Variants in XPO7 observed in about 807,000 individuals in gnomAD.
XPO7 encodes the protein exportin-7.
A neutral mutation model predicts 144.3 loss-of-function variants in XPO7; 21 were observed. The observed-to-expected ratio is 0.15, with a 90% CI of 0.10 to 0.21. XPO7 has a LOEUF of 0.21. Among genes scored for constraint, XPO7 ranks in the 10% least tolerant of loss-of-function variants. The probability of loss-of-function intolerance (pLI) is 1.00; values close to 1 mark genes in which losing one functional copy is unlikely to be tolerated. For synonymous variants in XPO7, 580 were observed against 499.6 expected (o/e 1.16, Z -2.15); for missense variants, 808 against 1,325.8 (o/e 0.61, Z 6.06).
intron 26 of XPO7, 60 bp downstream of exon 26, chr8:22,003,377 C>A: frequency 7.5e-7 from 1 of 1,339,218 alleles, no homozygotes. Flanking sequence ...CACTTGGTAT[C>A]ACCAAGCCCT....
At chr8:21,936,998 C>T (rs536396054) in intron 1 of XPO7, among the ~76,000 whole-genome samples, 1 of 152,292 alleles carries the variant, frequency 6.6e-6, no homozygotes, top group Non-Finnish European at 1.5e-5. Flanking sequence ...TAAAAACTCA[C>T]TCTGCCATCA....
chr8:21,980,387 C>T (rs533479417), intron 9 of XPO7, among the ~76,000 whole-genome samples, 184 bp downstream of exon 9: 4 of 152,302 alleles, frequency 2.6e-5, no homozygotes, highest in East Asian at 1.9e-4. Context: ...CTTATATCCT[C>T]CCGCTTCAGA....
chr8:21,988,946 A>G, intron 15 of XPO7, 57 bp from the exon 16 acceptor site: 1 of 1,542,202 alleles, frequency 6.5e-7, no homozygotes. Context: ...CCCAGCCCTC[A>G]AGGAAACCAG....
In XPO7 at chr8:21,967,852, A is replaced by G. The variant is rs550907885; in HGVS notation, c.165+849A>G. The stretch of plus-strand genomic sequence containing the variant: ...GATCAAAATAATGTTCCTGAGATAC[A>G]ATTTGAAAAAATCACTATCTTTGGC... On this transcript the variant is annotated intron_variant, in intron 2 of 27. Coordinates refer to ENST00000252512, the MANE Select transcript of XPO7 (RefSeq NM_015024.5). Among the ~76,000 whole-genome samples, 405 of 152,324 alleles carry G rather than the reference A, an allele frequency of 2.7e-3. 1 individual carries two copies. The Middle Eastern group carries it at 0.034, about 13-fold the overall frequency.
chr8:21,931,992 C>T (rs570463478), intron 1 of XPO7, among the ~76,000 whole-genome samples: 3 of 152,266 alleles, frequency 2.0e-5, no homozygotes, highest in South Asian at 4.2e-4. Context: ...CCTGCCTCAG[C>T]CTCCCTTAGT....
intron 1 of XPO7, among the ~76,000 whole-genome samples, chr8:21,944,320 C>T (rs1338924057): frequency 6.6e-6 from 1 of 152,148 alleles, no homozygotes; most frequent in African/African-American, 2.4e-5. Context: ...GTAATCCCAG[C>T]ACTTTGGGAG....
intron 1 of XPO7, among the ~76,000 whole-genome samples, chr8:21,922,502 T>A (rs1810321319): frequency 6.6e-6 from 1 of 152,102 alleles, no homozygotes; most frequent in Non-Finnish European, 1.5e-5. Flanking sequence ...GAGAAAAAAA[T>A]CAAACTTACT....
chr8:21,990,512 C>A, intron 17 of XPO7, 105 bp downstream of exon 17: 1 of 1,303,740 alleles, frequency 7.7e-7, no homozygotes, highest in Non-Finnish European at 1.1e-6. Context: ...ATTGCTACAG[C>A]AAAGACGGTG....
intron 1 of XPO7, among the ~76,000 whole-genome samples, chr8:21,949,870 C>T (rs887189319): frequency 6.6e-6 from 1 of 152,170 alleles, no homozygotes; most frequent in African/African-American, 2.4e-5. Context: ...GCTGGAATTA[C>T]AGGGGAACAC....
At chr8:21,945,312 A>T (rs1811155330) in intron 1 of XPO7, among the ~76,000 whole-genome samples, 1 of 152,154 alleles carries the variant, frequency 6.6e-6, no homozygotes. Context: ...AAACTCATAT[A>T]AAAAACTGCT....
chr8:21,962,293 CAAG>C (rs1811750997), intron 1 of XPO7, among the ~76,000 whole-genome samples: 1 of 152,240 alleles, frequency 6.6e-6, no homozygotes, highest in East Asian at 1.9e-4. Context: ...AATTTATAAA[CAAG>C]AAGAAACCTT....
At chr8:21,958,145 ATATAAT>A (rs1409070565) in intron 1 of XPO7, among the ~76,000 whole-genome samples, 1 of 152,192 alleles carries the variant, frequency 6.6e-6, no homozygotes, top group African/African-American at 2.4e-5. Context: ...GTGGCAATAA[ATATAAT>A]TATGTTTCTA....
chr8:21,964,005 A>T (rs1811808123), intron 1 of XPO7: 1 of 152,176 alleles, frequency 6.6e-6, no homozygotes, highest in African/African-American at 2.4e-5. Flanking sequence ...CCTTCATTGT[A>T]ATTATTGTTG....
intron 9 of XPO7, 76 bp from the exon 10 acceptor site, chr8:21,981,655 C>T (rs889727615): frequency 3.2e-6 from 5 of 1,549,914 alleles, no homozygotes; most frequent in Non-Finnish European, 3.5e-6. Context: ...TCCCCCATGC[C>T]ATCTCAAGTA....
intron 21 of XPO7, among the ~76,000 whole-genome samples, chr8:21,998,125 C>T (rs1182140732): frequency 6.6e-6 from 1 of 152,206 alleles, no homozygotes; most frequent in African/African-American, 2.4e-5. Context: ...GCATTAGTAT[C>T]AAGAGGCGAC....
intron 1 of XPO7, among the ~76,000 whole-genome samples, chr8:21,947,411 C>A (rs1811227171): frequency 6.6e-6 from 1 of 152,028 alleles, no homozygotes; most frequent in African/African-American, 2.4e-5. Context: ...GAAGAAGGGA[C>A]AGAGGGGTCT....
At position 21,999,318 on chromosome 8, in the gene XPO7, C is replaced by G. The variant is rs1305605092; in HGVS notation, c.2643+13C>G. The G allele has an allele frequency of 6.2e-7, 1 of 1,611,944 alleles. No homozygotes were observed. Among genetic ancestry groups the G allele is most frequent in the African/African-American group, 1.3e-5 (1 of 74,874 alleles). On this transcript the variant is annotated intron_variant, in intron 23 of 27. Transcript: ENST00000252512. ...CAGTGATCTCTTGGTAAGCCTTACG[C>G]TGCATTGCCACAATCTTGTTCCTCA...
intron 26 of XPO7, 133 bp from the exon 27 acceptor site, chr8:22,003,770 T>C: frequency 7.3e-7 from 1 of 1,361,912 alleles, no homozygotes; most frequent in South Asian, 1.5e-5. Context: ...CTGAATTTCT[T>C]TTTTAAGGGT....
chr8:21,985,811 T>C, intron 13 of XPO7, 120 bp downstream of exon 13: 1 of 777,474 alleles, frequency 1.3e-6, no homozygotes, highest in Non-Finnish European at 2.1e-6. Context: ...GAGACACAGC[T>C]TTCAAGGCTT....
Sources: allele counts gnomAD v4.1 joint callset (sites outside exome capture counted in the v4.1 genomes callset), GRCh38; gene constraint gnomAD v4.1.1; transcripts MANE v1.5; gene names NCBI Gene and HGNC (gene_info 2026-07-23, HGNC 2026-07-21).